The following PDE1A variants were observed in gnomAD, a reference collection of about 807,000 sequenced individuals.
The protein encoded by PDE1A is phosphodiesterase 1A, also known as dual specificity calcium/calmodulin-dependent 3',5'-cyclic nucleotide phosphodiesterase 1A.
In PDE1A, 35 loss-of-function variants were observed where a neutral mutation model predicts 61.7. That is an observed-to-expected ratio of 0.57 (90% CI 0.43 to 0.75). The LOEUF (loss-of-function observed/expected upper bound fraction) is 0.75. Ranked by LOEUF, PDE1A falls within the 30% of genes least tolerant of loss-of-function variation. PDE1A has a pLI of 0.00. For synonymous variants in PDE1A, 232 were observed against 213.2 expected (o/e 1.09, Z -0.77); for missense variants, 597 against 630.6 (o/e 0.95, Z 0.57).
intron 2 of PDE1A, among the ~76,000 whole-genome samples, chr2:182,257,963 C>T (rs1230811717): frequency 5.3e-5 from 8 of 152,048 alleles, no homozygotes; most frequent in South Asian, 2.1e-4. Flanking sequence ...GTCAGGAGAT[C>T]GAGACCACCC....
At chr2:182,321,787 C>A (rs1696711907) in intron 1 of PDE1A, among the ~76,000 whole-genome samples, 1 of 152,042 alleles carries the variant, frequency 6.6e-6, no homozygotes, top group South Asian at 2.1e-4. Context: ...TCCCATTGCC[C>A]CTTCTCTCCT....
At chr2:182,565,085 G>A in the PDE1A span, among the ~76,000 whole-genome samples, 341 of 152,254 alleles carry the variant, frequency 2.2e-3, 1 homozygote, top group African/African-American at 5.7e-3. Flanking sequence ...GCTTTGTTCC[G>A]TTGCTGGTGA....
At chr2:182,608,400 C>T in the PDE1A span, among the ~76,000 whole-genome samples, 1 of 152,230 alleles carries the variant, frequency 6.6e-6, no homozygotes, top group African/African-American at 2.4e-5. Flanking sequence ...ACCGTGGGAG[C>T]CCTTTTCTGG....
intron 2 of PDE1A, among the ~76,000 whole-genome samples, chr2:182,446,228 G>A (rs1685122198): frequency 6.6e-6 from 1 of 152,060 alleles, no homozygotes; most frequent in Admixed American, 6.6e-5. Flanking sequence ...CAGATGAAAA[G>A]CATGCATAAT....
At chr2:182,492,485 C>T (rs969646369) in intron 2 of PDE1A, among the ~76,000 whole-genome samples, 1 of 152,174 alleles carries the variant, frequency 6.6e-6, no homozygotes, top group East Asian at 1.9e-4. Context: ...CAAATCTAAA[C>T]ATCACATAAA....
chr2:182,509,549 G>A (rs1255602678), intron 2 of PDE1A, among the ~76,000 whole-genome samples: 2 of 152,178 alleles, frequency 1.3e-5, no homozygotes, highest in African/African-American at 4.8e-5. Context: ...TCAGAATTTG[G>A]CCCTCCCCTT....
upstream of PDE1A, among the ~76,000 whole-genome samples, chr2:182,428,978 C>A (rs1173592516): frequency 6.6e-6 from 1 of 152,014 alleles, no homozygotes; most frequent in African/African-American, 2.4e-5. Context: ...AGCTTGAAGT[C>A]CAAAGGCTTG....
chr2:182,272,333 A>G (rs573317296), intron 1 of PDE1A, among the ~76,000 whole-genome samples: 47 of 152,144 alleles, frequency 3.1e-4, no homozygotes, highest in Non-Finnish European at 5.7e-4. Flanking sequence ...TGCTGTCGCT[A>G]TCTTGAAATT....
chr2:182,670,721 A>G, the PDE1A span, among the ~76,000 whole-genome samples: 1 of 152,212 alleles, frequency 6.6e-6, no homozygotes, highest in Non-Finnish European at 1.5e-5. Context: ...ATGTTTCTCA[A>G]GCTTTAAGGC....
intron 2 of PDE1A, among the ~76,000 whole-genome samples, chr2:182,444,823 T>C (rs1354172446): frequency 6.6e-6 from 1 of 152,138 alleles, no homozygotes; most frequent in Non-Finnish European, 1.5e-5. Flanking sequence ...AAGAATGTAC[T>C]TCAGTACTTA....
At chr2:182,377,015 T>C (rs962528486) in intron 1 of PDE1A, among the ~76,000 whole-genome samples, 1 of 152,170 alleles carries the variant, frequency 6.6e-6, no homozygotes, top group Non-Finnish European at 1.5e-5. Context: ...ACATGAGAAT[T>C]ACGGGAGTAC....
chr2:182,275,690 AAAAAT>A (rs1411303810), intron 1 of PDE1A, among the ~76,000 whole-genome samples: 2 of 152,114 alleles, frequency 1.3e-5, no homozygotes, highest in Non-Finnish European at 1.5e-5. Context: ...TGGTGTGAAA[AAAAAT>A]AATTTTTATT....
the PDE1A span, among the ~76,000 whole-genome samples, chr2:182,565,028 C>T: frequency 2.2e-4 from 33 of 152,060 alleles, no homozygotes; most frequent in Admixed American, 2.1e-3. Flanking sequence ...GTAGTTTGTT[C>T]GTCTGAAGCC....
the PDE1A span, among the ~76,000 whole-genome samples, chr2:182,686,018 C>T: frequency 6.6e-6 from 1 of 152,074 alleles, no homozygotes; most frequent in Non-Finnish European, 1.5e-5. Flanking sequence ...CCAAGTTGAA[C>T]AGGCTTAACA....
At chr2:182,297,156 T>C (rs546555065) in intron 1 of PDE1A, among the ~76,000 whole-genome samples, 1 of 152,220 alleles carries the variant, frequency 6.6e-6, no homozygotes, top group African/African-American at 2.4e-5. Flanking sequence ...TATGATATAT[T>C]ATGATCTATA....
intron 2 of PDE1A, among the ~76,000 whole-genome samples, chr2:182,487,883 T>C (rs1462727496): frequency 1.3e-5 from 2 of 152,166 alleles, no homozygotes; most frequent in East Asian, 1.9e-4. Flanking sequence ...ATGAAAGATA[T>C]CCTGTAGCAG....
At chr2:182,473,481 C>G (rs1687163808) in intron 2 of PDE1A, among the ~76,000 whole-genome samples, 1 of 151,780 alleles carries the variant, frequency 6.6e-6, no homozygotes, top group Non-Finnish European at 1.5e-5. Flanking sequence ...CATGAACAGG[C>G]ACTTTTTTTC....
intron 1 of PDE1A, among the ~76,000 whole-genome samples, chr2:182,361,696 T>C (rs1180742073): frequency 1.3e-5 from 2 of 152,086 alleles, no homozygotes; most frequent in African/African-American, 4.8e-5. Context: ...GCTGGATCCC[T>C]TAAACATTAA....
At chr2:182,341,454 G>A (rs559325070) in intron 1 of PDE1A, among the ~76,000 whole-genome samples, 30 of 152,120 alleles carry the variant, frequency 2.0e-4, no homozygotes, top group Non-Finnish European at 3.5e-4. Context: ...ATTGTTAATC[G>A]TCTTTGTTTA....
Sources: gnomAD v4.1 joint callset for allele counts (sites outside exome capture counted in the v4.1 genomes callset) on GRCh38, gnomAD v4.1.1 for gene constraint, MANE v1.5 for transcripts, NCBI Gene and HGNC (gene_info 2026-07-23, HGNC 2026-07-21) for gene names.